TOP1MT: variants seen among roughly 807,000 people sequenced by gnomAD.
The protein encoded by TOP1MT is DNA topoisomerase I mitochondrial.
A neutral mutation model predicts 73.9 loss-of-function variants in TOP1MT; 80 were observed. That is an observed-to-expected ratio of 1.08 (90% CI 0.90 to 1.30). The LOEUF (loss-of-function observed/expected upper bound fraction) is 1.30, where lower values mean the gene tolerates loss of function less well. Among genes scored for constraint, TOP1MT ranks in the 50% most tolerant of loss-of-function variants. TOP1MT has a pLI of 0.00. For synonymous variants in TOP1MT, 338 were observed against 326.4 expected, an observed-to-expected ratio of 1.04 and a Z score of -0.38; for missense variants, 815 against 808.0, an observed-to-expected ratio of 1.01 and a Z score of -0.10.
intron 12 of TOP1MT, among the ~76,000 whole-genome samples, chr8:143,314,105 G>A (rs980326812): frequency 6.6e-6 from 1 of 152,084 alleles, no homozygotes; most frequent in Non-Finnish European, 1.5e-5. Context: ...GTGGCGCCTG[G>A]ACAGAGGAAT....
rs780757876 is a variant in TOP1MT, at chr8:143,334,830, G to A, written c.32C>T (p.Ala11Val). MRVVRLLRLR[A>V]ALTLLGEVPR... ...GACCTCCCCGAGCAGCGTCAGAGCC[G>A]CCCGGAGCCGCAGCAGCCGCACCAC... The change falls in exon 1 of 14, where the codon GCG becomes GTG. Residue 11 changes from alanine (A) to valine (V), a missense_variant. Ala to Val is a moderately conservative substitution (Grantham distance 64). Transcript: ENST00000329245. The A allele has an allele frequency of 3.9e-6, 6 of 1,520,324 alleles. No homozygotes were observed. Among genetic ancestry groups the A allele is most frequent in the Non-Finnish European group, 3.5e-6 (4 of 1,149,218 alleles). The allele number at this position is 1,520,324 out of a possible 1,614,324, so 94.2% of individuals were successfully genotyped here. A position where few individuals can be genotyped will look rare whatever the true frequency, so the allele number is the denominator to read the frequency against.
chr8:143,320,702 T>C (rs1027999699), intron 8 of TOP1MT, among the ~76,000 whole-genome samples: 2 of 152,184 alleles, frequency 1.3e-5, no homozygotes, highest in Non-Finnish European at 2.9e-5. Context: ...AGGGAGAAGA[T>C]GGCCATGTGA....
At chr8:143,357,597 A>G (rs975932251), upstream of TOP1MT, among the ~76,000 whole-genome samples, 1 of 152,108 alleles carries the variant, frequency 6.6e-6, no homozygotes, top group African/African-American at 2.4e-5. Flanking sequence ...TCAGAGCAAC[A>G]TAGTCAGGCC....
intron 13 of TOP1MT, 197 bp downstream of exon 13, chr8:143,309,871 C>T (rs1299699404): frequency 6.5e-7 from 1 of 1,542,408 alleles, no homozygotes; most frequent in South Asian, 1.2e-5. Context: ...CCCACTTCAC[C>T]CTGTCCATCC....
intron 6 of TOP1MT, 139 bp from the exon 7 acceptor site, chr8:143,324,281 G>T (rs982846586): frequency 6.6e-6 from 9 of 1,366,138 alleles, no homozygotes; most frequent in African/African-American, 4.3e-5. Flanking sequence ...AGCAAATCTA[G>T]CTGGGTGATG....
chr8:143,322,715 CCA>C lies in TOP1MT; in HGVS notation c.960+1282_960+1283del, dbSNP rs140269298. On this transcript the variant is annotated intron_variant, in intron 7 of 13. Coordinates refer to ENST00000329245, the MANE Select transcript of TOP1MT (RefSeq NM_052963.3). Reference sequence around the variant, plus strand: ...ACGCCACACGCACGCCACACGCACGCCACACACAGGCACGCCACACACGCCAC... The same window carrying C: ...ACGCCACACGCACGCCACACGCACGCCACACAGGCACGCCACACACGCCAC... Among the ~76,000 whole-genome samples the C allele has an allele frequency of 2.7e-3, 103 of 37,924 alleles. 12 individuals are homozygous for C. Among genetic ancestry groups the C allele is most frequent in the Non-Finnish European group, 3.2e-3 (73 of 22,564 alleles). The allele number at this position is 37,924 out of a possible 152,430, so 24.9% of individuals were successfully genotyped here.
chr8:143,329,262 G>C (rs781743624), intron 3 of TOP1MT, 88 bp downstream of exon 3: 19 of 1,422,132 alleles, frequency 1.3e-5, no homozygotes, highest in Admixed American at 2.7e-5. Context: ...GAGAACTTGC[G>C]AGGGGCGTTC....
chr8:143,321,738 C>CCA, intron 7 of TOP1MT, among the ~76,000 whole-genome samples: 1 of 127,060 alleles, frequency 7.9e-6, no homozygotes, highest in Non-Finnish European at 1.6e-5. Context: ...CACAGGTACG[C>CCA]CACACACGCA....
intron 3 of TOP1MT, among the ~76,000 whole-genome samples, chr8:143,326,881 T>C (rs910751020): frequency 5.3e-5 from 8 of 152,130 alleles, no homozygotes; most frequent in Admixed American, 5.2e-4. Flanking sequence ...CTCTGGGGGC[T>C]GGAAGGCTGG....
At chr8:143,353,963 CAAAAAAAAAAA>C (rs1186472770) in intron 1 of TOP1MT, among the ~76,000 whole-genome samples, 6 of 47,626 alleles carry the variant, frequency 1.3e-4, no homozygotes, top group South Asian at 1.2e-3. Context: ...GACTCCATCC[CAAAAAAAAAAA>C]AAAAAAAAAA....
At chr8:143,326,832 A>G (rs1012863436) in intron 3 of TOP1MT, among the ~76,000 whole-genome samples, 1 of 152,190 alleles carries the variant, frequency 6.6e-6, no homozygotes, top group Non-Finnish European at 1.5e-5. Context: ...TGCTGCCACA[A>G]AATACCGGGG....
At position 143,329,942 on chromosome 8, in the gene TOP1MT, T is replaced by TA. The variant is rs538230751; in HGVS notation, c.239-472_239-471insT. On this transcript the variant is annotated intron_variant, in intron 2 of 13. Coordinates refer to ENST00000329245, the MANE Select transcript of TOP1MT (RefSeq NM_052963.3). ...TTCTAAGATCAGTGTGGTTTAGAGA[T>TA]GGGGGGTGAGCTGGGAGCAGGCGAG... Among the ~76,000 whole-genome samples the TA allele has an allele frequency of 7.7e-4, 117 of 152,026 alleles. 2 individuals are homozygous for TA. In the East Asian group the frequency reaches 0.018, roughly 24 times the overall value.
chr8:143,331,599 G>A (rs1428897087), intron 1 of TOP1MT: 8 of 375,474 alleles, frequency 2.1e-5, no homozygotes, highest in African/African-American at 6.0e-5. Context: ...CCAGCTAAGC[G>A]GGAAAGGGCA....
At chr8:143,352,567 A>G (rs1817336149) in intron 1 of TOP1MT, among the ~76,000 whole-genome samples, 1 of 152,226 alleles carries the variant, frequency 6.6e-6, no homozygotes, top group African/African-American at 2.4e-5. Context: ...CAAAGCTATA[A>G]AACTCTTAGA....
chr8:143,321,217 ACT>A lies in TOP1MT; in HGVS notation c.1128_1129del (p.Arg376SerfsTer75), dbSNP rs1272413513. 1.9e-6 allele frequency: 3 copies of A among 1,600,534 alleles called. No individual in the cohort carries two copies. The highest frequency in any genetic ancestry group is 2.2e-5 in the South Asian group (2 of 90,190). On this transcript the variant is annotated frameshift_variant, in exon 8 of 14. Coordinates refer to ENST00000329245, the MANE Select transcript of TOP1MT (RefSeq NM_052963.3). LOFTEE classifies it high-confidence loss of function. ...GGCACTCACCGGCTTCTCCACCGGC[ACT>A]CTGTTGTAGTAGCGGATGCAGTCCT...
At chr8:143,346,977 A>ATTTG (rs1817233144), upstream of TOP1MT, among the ~76,000 whole-genome samples, 2 of 150,580 alleles carry the variant, frequency 1.3e-5, no homozygotes, top group East Asian at 1.9e-4. Context: ...TTATTTATTT[A>ATTTG]TTTATTTATT....
chr8:143,332,486 C>A lies in TOP1MT; in HGVS notation c.123-1147G>T, dbSNP rs1198050583. The A allele has an allele frequency of 2.3e-6, 3 of 1,289,072 alleles. No homozygotes were observed. In the East Asian group the frequency reaches 1.7e-4, roughly 71 times the overall value. 79.9% of individuals were successfully genotyped at this position (1,289,072 alleles called of 1,614,324 possible). A position where few individuals can be genotyped will look rare whatever the true frequency, so the allele number is the denominator to read the frequency against. ...CAGAAGGTTCCAGATCACACCCCCA[C>A]CTGCCAGAGCCAGGAGACCTGCACG... On this transcript the variant is annotated intron_variant, in intron 1 of 13. Coordinates refer to ENST00000329245, the MANE Select transcript of TOP1MT (RefSeq NM_052963.3).
At chr8:143,347,255 C>T (rs534828895), upstream of TOP1MT, among the ~76,000 whole-genome samples, 7 of 152,108 alleles carry the variant, frequency 4.6e-5, no homozygotes, top group South Asian at 2.1e-4. Flanking sequence ...CCTGGGTTCA[C>T]GCCGTTCTAC....
Position 143,329,364 on chromosome 8 carries a change from T to C in TOP1MT, c.346A>G (p.Asn116Asp). The C allele has an allele frequency of 6.2e-7, 1 of 1,607,784 alleles. No homozygotes were observed. Among genetic ancestry groups the C allele is most frequent in the Non-Finnish European group, 8.5e-7 (1 of 1,178,332 alleles). Reference sequence around the variant, plus strand: ...AGGGTACCTACCTTTCGCCAGTCATTGAAGAAGTTCTTCCGGAAAACCTCC... The same window carrying C: ...AGGGTACCTACCTTTCGCCAGTCATCGAAGAAGTTCTTCCGGAAAACCTCC... ...TKEVFRKNFF[N>D]DWRKEMAVEE... The change falls in exon 3 of 14, where the codon AAT becomes GAT. Residue 116 changes from asparagine to aspartate, a missense_variant. Asn to Asp is a conservative substitution (Grantham distance 23). Coordinates refer to ENST00000329245, the MANE Select transcript of TOP1MT (RefSeq NM_052963.3).
Sources: allele counts gnomAD v4.1 joint callset (sites outside exome capture counted in the v4.1 genomes callset), GRCh38; gene constraint gnomAD v4.1.1; transcripts MANE v1.5; gene names NCBI Gene and HGNC (gene_info 2026-07-23, HGNC 2026-07-21).